The following VIT variants were observed in gnomAD, a reference collection of about 807,000 sequenced individuals.
VIT encodes the protein vitrin.
In VIT, 99 loss-of-function variants were observed where a neutral mutation model predicts 78.0. That is an observed-to-expected ratio of 1.27 (90% CI 1.08 to 1.50). The LOEUF is 1.50. VIT is among the 40% of genes most tolerant of loss of function. VIT has a pLI of 0.00. For synonymous variants in VIT, 374 were observed against 334.3 expected (o/e 1.12, Z -1.29); for missense variants, 1,126 against 875.3 (o/e 1.29, Z -3.61).
intron 6 of VIT, among the ~76,000 whole-genome samples, chr2:36,761,870 A>G (rs1053394248): frequency 1.1e-4 from 17 of 152,198 alleles, no homozygotes; most frequent in African/African-American, 3.6e-4. Context: ...TCTGTGCCAC[A>G]CACCTGCACT....
intron 13 of VIT, among the ~76,000 whole-genome samples, chr2:36,804,174 G>A (rs1295371608): frequency 6.6e-6 from 1 of 152,244 alleles, no homozygotes; most frequent in Admixed American, 6.5e-5. Flanking sequence ...GCACTCAGCT[G>A]AAGTAGATTG....
intron 4 of VIT, among the ~76,000 whole-genome samples, chr2:36,751,714 G>A (rs779161556): frequency 6.6e-6 from 1 of 152,180 alleles, no homozygotes; most frequent in Non-Finnish European, 1.5e-5. Context: ...AAGGGCAGAA[G>A]AGAAGAGCTT....
chr2:36,728,079 C>T (rs1666963917), intron 2 of VIT, among the ~76,000 whole-genome samples: 1 of 152,064 alleles, frequency 6.6e-6, no homozygotes, highest in Non-Finnish European at 1.5e-5. Context: ...CAGGCGTGTG[C>T]CACCACTCCC....
chr2:36,779,655 G>A (rs755737812), intron 9 of VIT, among the ~76,000 whole-genome samples: 1 of 152,032 alleles, frequency 6.6e-6, no homozygotes, highest in Non-Finnish European at 1.5e-5. Context: ...GCCCCAGTAC[G>A]TGCTGTTCCC....
chr2:36,741,139 G>A (rs1205073587), intron 3 of VIT, among the ~76,000 whole-genome samples: 1 of 152,190 alleles, frequency 6.6e-6, no homozygotes, highest in Non-Finnish European at 1.5e-5. Context: ...GGGAAAAGAG[G>A]AGAGTTGAAC....
chr2:36,722,199 T>C (rs1273145061), intron 2 of VIT, among the ~76,000 whole-genome samples: 1 of 152,234 alleles, frequency 6.6e-6, no homozygotes, highest in Non-Finnish European at 1.5e-5. Context: ...CAGAGTTTTA[T>C]ACTGCTCATT....
intron 1 of VIT, among the ~76,000 whole-genome samples, chr2:36,698,989 T>C (rs1200480962): frequency 1.1e-5 from 1 of 93,806 alleles, no homozygotes; most frequent in Non-Finnish European, 2.2e-5. Flanking sequence ...AATCTTTTAT[T>C]CCCCACATAT....
At chr2:36,713,866 T>C (rs770134835) in intron 1 of VIT, among the ~76,000 whole-genome samples, 14 of 152,342 alleles carry the variant, frequency 9.2e-5, no homozygotes, top group Non-Finnish European at 1.6e-4. Context: ...ACTGCATTTA[T>C]CCAATAGGAA....
At chr2:36,811,758 C>A (rs749683895) in intron 15 of VIT, among the ~76,000 whole-genome samples, 1 of 151,660 alleles carries the variant, frequency 6.6e-6, no homozygotes, top group African/African-American at 2.4e-5. Flanking sequence ...TTGCAACCTC[C>A]GCCTCCTGGG....
chr2:36,814,188 A>G lies in VIT; in HGVS notation c.1909A>G (p.Ile637Val), dbSNP rs1433234297. ...TCTAACCTTTGTCCCCACAGGAGTG[A>G]TCACCTATGCGATAGGCGTTGCCTG... ...PAMAAHLKGVITYAIGVAWAA... is the reference protein window; with the variant it reads ...PAMAAHLKGVVTYAIGVAWAA... The change falls in exon 16 of 16, where the codon ATC becomes GTC. Residue 637 changes from isoleucine to valine, a missense_variant. Coordinates refer to ENST00000379242, the MANE Select transcript of VIT (RefSeq NM_053276.4). 1.2e-6 allele frequency: 2 copies of G among 1,614,190 alleles called. No individual in the cohort carries two copies. Among genetic ancestry groups the G allele is most frequent in the Non-Finnish European group, 1.7e-6 (2 of 1,180,016 alleles).
At chr2:36,740,655 G>C (rs1444350987) in intron 3 of VIT, among the ~76,000 whole-genome samples, 1 of 152,016 alleles carries the variant, frequency 6.6e-6, no homozygotes, top group Admixed American at 6.5e-5. Flanking sequence ...TGCTAATCTG[G>C]TTAGGTGCAG....
At chr2:36,699,206 C>CTCAACAT in intron 1 of VIT, among the ~76,000 whole-genome samples, 1 of 151,654 alleles carries the variant, frequency 6.6e-6, no homozygotes, top group Admixed American at 6.6e-5. Context: ...CCATGGTGCA[C>CTCAACAT]TGGAGAGGTT....
intron 12 of VIT, among the ~76,000 whole-genome samples, chr2:36,800,188 T>C (rs1221984578): frequency 6.6e-6 from 1 of 151,636 alleles, no homozygotes; most frequent in Non-Finnish European, 1.5e-5. Context: ...CTACTAAAAA[T>C]ACAAAAATTA....
At chr2:36,730,784 G>A (rs1051204454) in intron 3 of VIT, among the ~76,000 whole-genome samples, 1 of 152,224 alleles carries the variant, frequency 6.6e-6, no homozygotes, top group Non-Finnish European at 1.5e-5. Context: ...TCAGCAGAGA[G>A]GGGACATGAG....
chr2:36,721,591 G>C (rs576036591), intron 2 of VIT, among the ~76,000 whole-genome samples: 14 of 152,256 alleles, frequency 9.2e-5, no homozygotes, highest in South Asian at 2.1e-4. Context: ...TTTGCCTTTA[G>C]GATGCAGCGC....
At chr2:36,783,519 T>C (rs1276542464) in intron 11 of VIT, 117 bp downstream of exon 11, 1 of 966,176 alleles carries the variant, frequency 1.0e-6, no homozygotes, top group South Asian at 1.5e-5. Flanking sequence ...TCTATTTATC[T>C]CCTCTCTTCT....
intron 4 of VIT, among the ~76,000 whole-genome samples, chr2:36,753,027 A>G (rs1287634406): frequency 6.6e-6 from 1 of 152,260 alleles, no homozygotes; most frequent in African/African-American, 2.4e-5. Context: ...CTATGCAGCC[A>G]TAAAAGGAAT....
At chr2:36,799,438 C>CA (rs1666152912) in intron 12 of VIT, among the ~76,000 whole-genome samples, 1 of 152,196 alleles carries the variant, frequency 6.6e-6, no homozygotes, top group Non-Finnish European at 1.5e-5. Context: ...CTTGGCCAGG[C>CA]ATGGTGGCTC....
chr2:36,789,536 G>A (rs546660246), intron 12 of VIT, among the ~76,000 whole-genome samples: 1 of 152,144 alleles, frequency 6.6e-6, no homozygotes, highest in South Asian at 2.1e-4. Flanking sequence ...AGGGCGGCCC[G>A]AGAAGGGTAT....
Sources: gnomAD v4.1 joint callset for allele counts (sites outside exome capture counted in the v4.1 genomes callset) on GRCh38, gnomAD v4.1.1 for gene constraint, MANE v1.5 for transcripts, NCBI Gene and HGNC (gene_info 2026-07-23, HGNC 2026-07-21) for gene names.